The following ABAT variants were observed in gnomAD, a reference collection of about 807,000 sequenced individuals.
ABAT encodes 4-aminobutyrate aminotransferase, mitochondrial.
In ABAT, 45 loss-of-function variants were observed where a neutral mutation model predicts 64.6. That is an observed-to-expected ratio of 0.70 (90% CI 0.55 to 0.89). The LOEUF (loss-of-function observed/expected upper bound fraction) is 0.89. Among genes scored for constraint, ABAT ranks in the 40% least tolerant of loss-of-function variants. ABAT has a pLI of 0.00. For missense variants in ABAT, 633 were observed against 658.4 expected (o/e 0.96, Z 0.42); for synonymous variants, 297 against 250.5 (o/e 1.19, Z -1.75).
chr16:8,707,735 C>T (rs1054926149), intron 1 of ABAT, among the ~76,000 whole-genome samples: 6 of 152,158 alleles, frequency 3.9e-5, no homozygotes, highest in African/African-American at 1.2e-4. Flanking sequence ...AATTAGGGAA[C>T]TTTTTTTAAA....
At chr16:8,691,914 C>G (rs2057592410) in intron 1 of ABAT, among the ~76,000 whole-genome samples, 3 of 152,220 alleles carry the variant, frequency 2.0e-5, no homozygotes, top group African/African-American at 7.2e-5. Flanking sequence ...GCTGAGGTTG[C>G]AAAACCCTGA....
In ABAT at chr16:8,764,884, C is replaced by G. The variant is rs2059899730; in HGVS notation, c.540+54C>G. On this transcript the variant is annotated intron_variant, in intron 8 of 15. Transcript: ENST00000268251. This position sits in a 1 kb window ranked among gnomAD's most constrained non-coding sequence, Gnocchi z 4.2. ...ACACACAGGCTCCCCAGCACCCAGCCACACGCTCACCCCTTGTCTGACTGT... is the reference window on the plus strand; with the variant it reads ...ACACACAGGCTCCCCAGCACCCAGCGACACGCTCACCCCTTGTCTGACTGT... The G allele has an allele frequency of 6.9e-7, 1 of 1,456,882 alleles. No individual in the cohort carries two copies. Among genetic ancestry groups the G allele is most frequent in the African/African-American group, 1.4e-5 (1 of 71,530 alleles). The allele number at this position is 1,456,882 out of a possible 1,614,324, so 90.2% of individuals were successfully genotyped here.
intron 2 of ABAT, among the ~76,000 whole-genome samples, chr16:8,739,463 A>G (rs759883518): frequency 2.3e-4 from 35 of 152,208 alleles, no homozygotes; most frequent in Non-Finnish European, 4.1e-4. Flanking sequence ...CACACCTGTA[A>G]TACCAACACT....
intron 1 of ABAT, among the ~76,000 whole-genome samples, chr16:8,730,233 C>G (rs1328885711): frequency 6.6e-6 from 1 of 152,138 alleles, no homozygotes; most frequent in Non-Finnish European, 1.5e-5. Context: ...TTTATGTGCC[C>G]TAGTGCCCAG....
Position 8,776,873 on chromosome 16 carries a change from C to T in ABAT, c.1269+383C>T, listed in dbSNP as rs2060280343. Among the ~76,000 whole-genome samples the T allele has an allele frequency of 6.6e-6, 1 of 151,612 alleles. No individual in the cohort carries two copies. The highest frequency in any genetic ancestry group is 2.1e-4 in the South Asian group (1 of 4,786). The stretch of plus-strand genomic sequence containing the variant: ...GGCAGCGCCTGCCGGCACTGGTTAT[C>T]TTTCTTATTTATTTTATTTTATTTT... On this transcript the variant is annotated intron_variant, in intron 14 of 15. Coordinates refer to ENST00000268251, the MANE Select transcript of ABAT (RefSeq NM_020686.6). This position sits in a 1 kb window ranked among gnomAD's most constrained non-coding sequence, Gnocchi z 4.4.
intron 1 of ABAT, chr16:8,722,833 C>G: frequency 7.8e-7 from 1 of 1,289,122 alleles, no homozygotes; most frequent in Non-Finnish European, 1.0e-6. Context: ...TATACTAATG[C>G]AACTTCGAGG....
At chr16:8,744,105 T>C (rs911003646) in intron 2 of ABAT, among the ~76,000 whole-genome samples, 1 of 152,186 alleles carries the variant, frequency 6.6e-6, no homozygotes, top group African/African-American at 2.4e-5. Context: ...AAATGTGAAA[T>C]GCATTCAAAC....
rs905413679 is a variant in ABAT at position 8,772,797 on chromosome 16, G to A, written c.834G>A (p.Val278=). The change falls in exon 12 of 16, where the codon GTG becomes GTA. Residue 278 remains valine (V), a synonymous_variant. Transcript: ENST00000268251. The part of the protein sequence containing the change: ...RCLEEVEDLI[V]KYRKKKKTVA... ...GGATCCAGGTGGAGGATCTGATTGT[G>A]AAATATCGGAAAAAGAAGAAGACGG... The A allele has an allele frequency of 7.4e-6, 12 of 1,614,134 alleles. No individual in the cohort carries two copies. The African/African-American group carries it at 8.0e-5, about 11-fold the overall frequency.
intron 1 of ABAT, among the ~76,000 whole-genome samples, chr16:8,703,434 TGACA>T (rs1165135523): frequency 4.0e-5 from 6 of 151,602 alleles, no homozygotes; most frequent in African/African-American, 9.7e-5. Flanking sequence ...CCAGCCTGGG[TGACA>T]GACAGAGTGA....
At chr16:8,732,208 T>G (rs2058744199) in intron 1 of ABAT, among the ~76,000 whole-genome samples, 1 of 12,880 alleles carries the variant, frequency 7.8e-5, no homozygotes, top group Admixed American at 9.8e-4. Context: ...TTTTTTTTTT[T>G]GTTTGTTTGT....
intron 6 of ABAT, chr16:8,760,107 C>T (rs2059755269): frequency 6.6e-6 from 1 of 152,174 alleles, no homozygotes; most frequent in Non-Finnish European, 1.5e-5. Context: ...TTTTGCTGTA[C>T]CCATTTATGT....
At chr16:8,706,404 C>CAAAAA (rs56329419) in intron 1 of ABAT, among the ~76,000 whole-genome samples, 1 of 95,080 alleles carries the variant, frequency 1.1e-5, no homozygotes, top group African/African-American at 4.8e-5. Flanking sequence ...GACCCTGTTT[C>CAAAAA]AAAAAAAAAA....
intron 1 of ABAT, among the ~76,000 whole-genome samples, chr16:8,675,857 C>G (rs79777456): frequency 1.4e-3 from 209 of 152,248 alleles, no homozygotes; most frequent in African/African-American, 4.9e-3. Context: ...TCCAAGAGGG[C>G]CCGCATTTCC....
At chr16:8,680,482 G>C (rs1251973151) in intron 1 of ABAT, among the ~76,000 whole-genome samples, 1 of 152,190 alleles carries the variant, frequency 6.6e-6, no homozygotes, top group Non-Finnish European at 1.5e-5. Context: ...CTGGAGTGCA[G>C]TGGTGTGATC....
chr16:8,705,891 G>A (rs1253673339), intron 1 of ABAT, among the ~76,000 whole-genome samples: 1 of 152,210 alleles, frequency 6.6e-6, no homozygotes, highest in Non-Finnish European at 1.5e-5. Flanking sequence ...TTTCTTGGTA[G>A]AGCCTCGGTG....
At chr16:8,771,295 CAAA>C (rs1015688747) in intron 11 of ABAT, among the ~76,000 whole-genome samples, 1 of 122,070 alleles carries the variant, frequency 8.2e-6, no homozygotes, top group Non-Finnish European at 1.7e-5. Flanking sequence ...AACTCCATCT[CAAA>C]AAAAAAAAAA....
intron 1 of ABAT, among the ~76,000 whole-genome samples, chr16:8,718,228 A>C (rs968680786): frequency 6.6e-6 from 1 of 152,222 alleles, no homozygotes; most frequent in Admixed American, 6.5e-5. Flanking sequence ...TGTGCGCTTA[A>C]TCCCTGCATT....
At chr16:8,733,676 T>C (rs1358270664) in intron 1 of ABAT, among the ~76,000 whole-genome samples, 1 of 151,604 alleles carries the variant, frequency 6.6e-6, no homozygotes, top group Non-Finnish European at 1.5e-5. Flanking sequence ...CCAAAACCAG[T>C]CAGGCGTGGC....
intron 1 of ABAT, among the ~76,000 whole-genome samples, chr16:8,693,561 C>T (rs902101320): frequency 2.6e-5 from 4 of 152,148 alleles, no homozygotes; most frequent in Non-Finnish European, 4.4e-5. Context: ...CTCCGCCTCC[C>T]GGGTTCACGT....
Sources: allele counts gnomAD v4.1 joint callset (sites outside exome capture counted in the v4.1 genomes callset), GRCh38; gene constraint gnomAD v4.1.1; non-coding constraint Gnocchi (gnomAD v3.1); transcripts MANE v1.5; gene names NCBI Gene and HGNC (gene_info 2026-07-23, HGNC 2026-07-21).